The following SLC27A2 variants were observed in gnomAD, a reference collection of about 807,000 sequenced individuals.
SLC27A2 encodes long-chain fatty acid transport protein 2.
In SLC27A2, 54 loss-of-function variants were observed where a neutral mutation model predicts 60.0. The ratio of observed to expected loss-of-function variants is 0.90; its 90% CI spans 0.72 to 1.13. The LOEUF is 1.13. Among genes scored for constraint, SLC27A2 ranks in the 50% most tolerant of loss-of-function variants. SLC27A2 has a pLI of 0.00. For missense variants in SLC27A2, 739 were observed against 777.6 expected (o/e 0.95, Z 0.59); for synonymous variants, 297 against 297.6 (o/e 1.00, Z 0.02).
chr15:50,216,155 A>G (rs566358035), intron 4 of SLC27A2, among the ~76,000 whole-genome samples: 1 of 152,240 alleles, frequency 6.6e-6, no homozygotes, highest in Non-Finnish European at 1.5e-5. Flanking sequence ...TAAGGACATG[A>G]ATAGACAATT....
At chr15:50,188,982 A>ATAAATAGATAGATAG (rs2044949466) in intron 1 of SLC27A2, among the ~76,000 whole-genome samples, 2 of 135,422 alleles carry the variant, frequency 1.5e-5, no homozygotes, top group African/African-American at 5.9e-5. Context: ...TAGATAGATA[A>ATAAATAGATAGATAG]ATAGATAGAT....
chr15:50,196,349 A>T (rs2045023819), intron 1 of SLC27A2, among the ~76,000 whole-genome samples: 1 of 151,854 alleles, frequency 6.6e-6, no homozygotes, highest in Non-Finnish European at 1.5e-5. Context: ...TTAAAAATGA[A>T]CAGCCCTGTT....
chr15:50,227,124 T>G lies in SLC27A2; in HGVS notation c.1403T>G (p.Met468Arg), dbSNP rs776262760. 2 of 1,613,338 alleles carry G rather than the reference T, an allele frequency of 1.2e-6. No homozygotes were observed. The highest frequency in any genetic ancestry group is 3.3e-5 in the Admixed American group (2 of 59,956). ...TATTTCAACAGTGGAGATCTCTTAA[T>G]GGTTGACCATGAAAATTTCATCTAT... ...DLYFNSGDLL[M>R]VDHENFIYFH... The change falls in exon 7 of 10, where the codon ATG (methionine) becomes AGG (arginine). Residue 468 changes from methionine to arginine, a missense_variant. Physicochemically the swap from Met to Arg is moderately conservative, Grantham distance 91. Coordinates refer to ENST00000267842, the MANE Select transcript of SLC27A2 (RefSeq NM_003645.4).
chr15:50,197,374 T>C (rs1011349024), intron 1 of SLC27A2, 126 bp from the exon 2 acceptor site: 2 of 620,934 alleles, frequency 3.2e-6, no homozygotes, highest in Admixed American at 2.9e-5. Flanking sequence ...ATAAGCATCA[T>C]TTGTCATGCC....
chr15:50,228,900 C>T, intron 7 of SLC27A2, 45 bp from the exon 8 acceptor site: 1 of 1,347,388 alleles, frequency 7.4e-7, no homozygotes, highest in South Asian at 1.2e-5. Flanking sequence ...GCAACCTGGG[C>T]CAGAAACCAC....
intron 1 of SLC27A2, chr15:50,190,851 A>G (rs1177211327): frequency 6.6e-6 from 1 of 152,152 alleles, no homozygotes; most frequent in African/African-American, 2.4e-5. Flanking sequence ...TTCTGTGACC[A>G]CTGTTTCTCA....
chr15:50,219,164 T>G (rs2045224811), intron 4 of SLC27A2, among the ~76,000 whole-genome samples: 1 of 152,164 alleles, frequency 6.6e-6, no homozygotes, highest in East Asian at 1.9e-4. Context: ...AAGAACTGAA[T>G]CCTCATCTAC....
At chr15:50,183,730 T>G (rs1225577871) in intron 1 of SLC27A2, among the ~76,000 whole-genome samples, 7 of 152,274 alleles carry the variant, frequency 4.6e-5, no homozygotes, top group Admixed American at 1.3e-4. Flanking sequence ...GACCAAGGGT[T>G]CCTTCTCTCA....
At chr15:50,191,251 G>A (rs939006696) in intron 1 of SLC27A2, 1 of 152,236 alleles carries the variant, frequency 6.6e-6, no homozygotes, top group Non-Finnish European at 1.5e-5. Flanking sequence ...AGTAAAGAGA[G>A]AGGTGGGTGC....
rs865827913 is a variant in SLC27A2, at chr15:50,200,425, A to G, written c.689-2062A>G. Among the ~76,000 whole-genome samples the G allele has an allele frequency of 1.0e-3, 152 of 151,324 alleles. 1 individual carries two copies. Among genetic ancestry groups the G allele is most frequent in the African/African-American group, 3.4e-3 (140 of 41,398 alleles). On this transcript the variant is annotated intron_variant, in intron 2 of 9. Coordinates refer to ENST00000267842, the MANE Select transcript of SLC27A2 (RefSeq NM_003645.4). ...AGTGAAAGCCTATCTCAAAAATAAT[A>G]ATAATAATAATAATAATACATAAAA...
intron 4 of SLC27A2, among the ~76,000 whole-genome samples, chr15:50,215,054 A>C (rs2045184960): frequency 6.6e-6 from 1 of 152,154 alleles, no homozygotes; most frequent in South Asian, 2.1e-4. Context: ...ATGATCATTT[A>C]CCTTGAAAAC....
In SLC27A2 at chr15:50,197,687, C is replaced by T; in HGVS notation, c.666C>T (p.Tyr222=). 1.2e-6 allele frequency: 2 copies of T among 1,613,210 alleles called. No homozygotes were observed. Among genetic ancestry groups the T allele is most frequent in the Non-Finnish European group, 1.7e-6 (2 of 1,179,222 alleles). ...TCACTTTTTCCACTCCTGCCTTATA[C>T]ATTTATACTTCTGGAACCACAGGTA... The part of the protein sequence containing the change: ...SEVTFSTPAL[Y]IYTSGTTGLP... The change falls in exon 2 of 10, where the codon TAC becomes TAT. Residue 222 remains tyrosine, a synonymous_variant. Transcript: ENST00000267842.
rs113686273 is a variant in SLC27A2, at chr15:50,214,899, T to C, written c.973-8066T>C. On this transcript the variant is annotated intron_variant, in intron 4 of 9. Transcript: ENST00000267842. ...AGTTGAAAGCATTCCCCCTGAGAAC[T>C]GGAACAAGACAAGGATGCCCATTCT... Among the ~76,000 whole-genome samples the C allele has an allele frequency of 4.6e-3, 704 of 152,242 alleles. 3 individuals carry two copies. Among genetic ancestry groups the C allele is most frequent in the African/African-American group, 0.016 (673 of 41,554 alleles).
At chr15:50,210,581 G>C (rs1312758255) in intron 4 of SLC27A2, among the ~76,000 whole-genome samples, 3 of 152,218 alleles carry the variant, frequency 2.0e-5, no homozygotes, top group Non-Finnish European at 4.4e-5. Flanking sequence ...ACTCCACAGG[G>C]AGAAGGAATT....
Position 50,182,414 on chromosome 15 carries a change from G to A in SLC27A2, c.-14G>A. The A allele has an allele frequency of 6.3e-7, 1 of 1,579,106 alleles. No homozygotes were observed. The highest frequency in any genetic ancestry group is 8.6e-7 in the Non-Finnish European group (1 of 1,159,618). ...CCCTCTGCCCTCGCTGGGACAGAGG[G>A]CCCCGCAGCCGTCATGCTTTCCGCC... On this transcript the variant is annotated 5_prime_UTR_variant, in exon 1 of 10. Transcript: ENST00000267842.
intron 1 of SLC27A2, among the ~76,000 whole-genome samples, chr15:50,195,328 C>CA (rs2045005263): frequency 7.3e-6 from 1 of 137,552 alleles, no homozygotes; most frequent in East Asian, 2.1e-4. Context: ...AAAAAAAAAA[C>CA]AAAAACAAAC....
intron 1 of SLC27A2, among the ~76,000 whole-genome samples, chr15:50,186,076 A>G (rs1595678709): frequency 6.7e-6 from 1 of 148,268 alleles, no homozygotes; most frequent in East Asian, 2.0e-4. Context: ...CATCTCTACA[A>G]AAAAAAAAAA....
At position 50,197,679 on chromosome 15, in the gene SLC27A2, G is replaced by A. The variant is rs759893998; in HGVS notation, c.658G>A (p.Ala220Thr). 1.2e-6 allele frequency: 2 copies of A among 1,613,840 alleles called. No individual in the cohort carries two copies. Among genetic ancestry groups the A allele is most frequent in the Non-Finnish European group, 1.7e-6 (2 of 1,179,848 alleles). The change falls in exon 2 of 10, where the codon GCC becomes ACC. Residue 220 changes from alanine (A) to threonine (T), a missense_variant. Ala to Thr is a moderately conservative substitution (Grantham distance 58, BLOSUM62 0). Coordinates refer to ENST00000267842, the MANE Select transcript of SLC27A2 (RefSeq NM_003645.4). ...WRSEVTFSTP[A>T]LYIYTSGTTG... ...GTCTGAAGTCACTTTTTCCACTCCTGCCTTATACATTTATACTTCTGGAAC... is the reference window on the plus strand; with the variant it reads ...GTCTGAAGTCACTTTTTCCACTCCTACCTTATACATTTATACTTCTGGAAC...
chr15:50,182,592 C>T lies in SLC27A2; in HGVS notation c.165C>T (p.Ile55=), dbSNP rs1286004991. The part of the protein sequence containing the change: ...SYGKRRPART[I]LRAFLEKARQ... ...GGAAGCGGCGGCCGGCGCGCACCATCCTGCGGGCGTTCCTGGAGAAAGCGC... is the reference window on the plus strand; with the variant it reads ...GGAAGCGGCGGCCGGCGCGCACCATTCTGCGGGCGTTCCTGGAGAAAGCGC... The change falls in exon 1 of 10, where the codon ATC becomes ATT. Residue 55 remains isoleucine (I), a synonymous_variant. Transcript: ENST00000267842. 2 of 1,613,292 alleles carry T rather than the reference C, an allele frequency of 1.2e-6. No homozygotes were observed. Among genetic ancestry groups the T allele is most frequent in the Admixed American group, 1.7e-5 (1 of 59,984 alleles).
Sources: allele counts gnomAD v4.1 joint callset (sites outside exome capture counted in the v4.1 genomes callset), GRCh38; gene constraint gnomAD v4.1.1; transcripts MANE v1.5; gene names NCBI Gene and HGNC (gene_info 2026-07-23, HGNC 2026-07-21).